Variants in NRG1 observed in about 807,000 individuals in gnomAD.
The protein encoded by NRG1 is neuregulin 1.
A neutral mutation model predicts 63.8 loss-of-function variants in NRG1; 18 were observed. The observed-to-expected ratio is 0.28, with a 90% CI of 0.19 to 0.42. The LOEUF (loss-of-function observed/expected upper bound fraction) is 0.42. Among genes scored for constraint, NRG1 ranks in the 10% least tolerant of loss-of-function variants. The pLI, the probability that NRG1 is intolerant of heterozygous loss-of-function variation, is 1.00. For missense variants in NRG1, 762 were observed against 814.7 expected (o/e 0.94, Z 0.79); for synonymous variants, 302 against 301.3 (o/e 1.00, Z -0.02).
intron 1 of NRG1, among the ~76,000 whole-genome samples, chr8:32,262,237 A>C (rs1227181871): frequency 1.3e-5 from 2 of 152,182 alleles, no homozygotes; most frequent in Non-Finnish European, 2.9e-5. Flanking sequence ...ATGCATTTTA[A>C]ATCCTCTCTT....
chr8:31,955,129 A>G (rs1804151867), intron 1 of NRG1, among the ~76,000 whole-genome samples: 1 of 152,218 alleles, frequency 6.6e-6, no homozygotes, highest in Non-Finnish European at 1.5e-5. Context: ...TCCATTAAAT[A>G]GTAATGGCAT....
intron 1 of NRG1, among the ~76,000 whole-genome samples, chr8:32,355,352 G>A (rs572661234): frequency 3.9e-5 from 6 of 152,110 alleles, no homozygotes; most frequent in South Asian, 2.1e-4. Flanking sequence ...CCAACTACTC[G>A]GGAGGCTGAG....
intron 1 of NRG1, among the ~76,000 whole-genome samples, chr8:31,681,455 A>T (rs570507931): frequency 3.3e-5 from 5 of 152,120 alleles, no homozygotes; most frequent in Admixed American, 6.5e-5. Context: ...AGAAGCTTAC[A>T]TTTAAATGAC....
intron 5 of NRG1, among the ~76,000 whole-genome samples, chr8:32,643,129 A>G (rs1168879955): frequency 6.6e-6 from 1 of 152,172 alleles, no homozygotes; most frequent in East Asian, 1.9e-4. Flanking sequence ...ATTCTGCCAA[A>G]TCCCATTCTA....
At position 31,913,196 on chromosome 8, in the gene NRG1, T is replaced by C. The variant is rs1467246592; in HGVS notation, c.37+273765T>C. ...GTTTGCCAGACTCCAAAGCATGTACTGGAACTACTGTGGTATAAAACAATA... is the reference window on the plus strand; with the variant it reads ...GTTTGCCAGACTCCAAAGCATGTACCGGAACTACTGTGGTATAAAACAATA... On this transcript the variant is annotated intron_variant, in intron 1 of 10. Coordinates refer to the NRG1 transcript ENST00000519301. Among the ~76,000 whole-genome samples the C allele has an allele frequency of 6.6e-5, 10 of 152,224 alleles. 1 individual carries two copies. In the East Asian group the frequency reaches 1.9e-3, roughly 29 times the overall value.
chr8:32,381,267 T>G lies in NRG1; in HGVS notation c.38-214561T>G, dbSNP rs183464471. On this transcript the variant is annotated intron_variant, in intron 1 of 10. Transcript: ENST00000519301. ...TCCCTTGATCCTTGCATGATTTGCT[T>G]TGTCTTGTCATTCCATGAAAATAAC... Among the ~76,000 whole-genome samples, 41 of 152,342 alleles carry G rather than the reference T, an allele frequency of 2.7e-4. 2 individuals carry two copies. The highest frequency in any genetic ancestry group is 9.9e-4 in the African/African-American group (41 of 41,578).
At chr8:32,119,050 G>A (rs898494915) in intron 1 of NRG1, among the ~76,000 whole-genome samples, 2 of 152,046 alleles carry the variant, frequency 1.3e-5, no homozygotes, top group Non-Finnish European at 2.9e-5. Context: ...CTCATAAATT[G>A]CTCAATATGA....
intron 1 of NRG1, among the ~76,000 whole-genome samples, chr8:32,551,831 G>C (rs1197319921): frequency 1.3e-5 from 2 of 151,482 alleles, no homozygotes; most frequent in East Asian, 3.9e-4. Context: ...CTTGGTGCTG[G>C]ACCTCCCATA....
intron 1 of NRG1, among the ~76,000 whole-genome samples, chr8:31,761,095 A>T (rs1190104456): frequency 6.6e-6 from 1 of 152,202 alleles, no homozygotes; most frequent in African/African-American, 2.4e-5. Context: ...AATGTGGCAG[A>T]TATACACCAT....
chr8:32,206,253 G>C (rs1457735537), intron 1 of NRG1, among the ~76,000 whole-genome samples: 1 of 152,160 alleles, frequency 6.6e-6, no homozygotes, highest in Non-Finnish European at 1.5e-5. Context: ...CCATCTTGGA[G>C]AGCCACAGGG....
chr8:31,708,485 G>A (rs1251739582), intron 1 of NRG1, among the ~76,000 whole-genome samples: 7 of 143,996 alleles, frequency 4.9e-5, no homozygotes, highest in African/African-American at 7.7e-5. Flanking sequence ...TCGCTCTGGC[G>A]CCCAGGCTGG....
At chr8:32,764,512 C>T (rs1169621316) in exon 12 of NRG1, 1 of 1,044,574 alleles carries the variant, frequency 9.6e-7, no homozygotes, top group African/African-American at 1.6e-5. Flanking sequence ...AAATAGAAAA[C>T]AGGAAAAAAA....
intron 5 of NRG1, among the ~76,000 whole-genome samples, chr8:32,695,561 G>T (rs1813073733): frequency 6.6e-6 from 1 of 152,158 alleles, no homozygotes; most frequent in African/African-American, 2.4e-5. Flanking sequence ...AATCGAGGAA[G>T]AATTAGTTAT....
At chr8:31,994,653 CAAAAA>C (rs59019886) in intron 1 of NRG1, among the ~76,000 whole-genome samples, 20 of 62,334 alleles carry the variant, frequency 3.2e-4, no homozygotes, top group African/African-American at 9.8e-4. Context: ...TACTCTGTCT[CAAAAA>C]AAAAAAAAAA....
At chr8:32,135,830 T>C (rs776308258) in intron 1 of NRG1, among the ~76,000 whole-genome samples, 5 of 151,872 alleles carry the variant, frequency 3.3e-5, no homozygotes, top group Non-Finnish European at 7.4e-5. Context: ...TACTTATAGA[T>C]ATGAAAGAGA....
chr8:32,070,172 G>T (rs1825544258), intron 1 of NRG1, among the ~76,000 whole-genome samples: 1 of 152,152 alleles, frequency 6.6e-6, no homozygotes, highest in South Asian at 2.1e-4. Flanking sequence ...GCCAGATACT[G>T]TCCTGGGTAT....
intron 1 of NRG1, among the ~76,000 whole-genome samples, chr8:32,340,360 A>G (rs1803913614): frequency 6.6e-6 from 1 of 152,170 alleles, no homozygotes; most frequent in Non-Finnish European, 1.5e-5. Context: ...AGCACCACTC[A>G]GTGGCTGCTA....
intron 1 of NRG1, among the ~76,000 whole-genome samples, chr8:31,718,168 C>T (rs1812546845): frequency 6.6e-6 from 1 of 151,956 alleles, no homozygotes; most frequent in South Asian, 2.1e-4. Context: ...AAGATAACTG[C>T]TAGTTCTACA....
chr8:32,531,417 AAATT>A (rs746485642), intron 1 of NRG1, among the ~76,000 whole-genome samples: 1 of 152,060 alleles, frequency 6.6e-6, no homozygotes, highest in Non-Finnish European at 1.5e-5. Flanking sequence ...TTTTCCCTAA[AAATT>A]AATTAAATAT....
Sources: gnomAD v4.1 joint callset for allele counts (sites outside exome capture counted in the v4.1 genomes callset) on GRCh38, gnomAD v4.1.1 for gene constraint, MANE v1.5 for transcripts, NCBI Gene and HGNC (gene_info 2026-07-23, HGNC 2026-07-21) for gene names.